ASIC2: variants seen among roughly 807,000 people sequenced by gnomAD.
The protein encoded by ASIC2 is acid sensing ion channel subunit 2, also known as acid-sensing ion channel 2.
ASIC2 carries 25 observed loss-of-function variants against 57.3 expected under a neutral mutation model. That is an observed-to-expected ratio of 0.44 (90% CI 0.32 to 0.61). The LOEUF is 0.61. Among genes scored for constraint, ASIC2 ranks in the 20% least tolerant of loss-of-function variants. ASIC2 has a pLI of 0.06. For missense variants in ASIC2, 641 were observed against 738.1 expected (o/e 0.87, Z 1.52); for synonymous variants, 319 against 307.5 (o/e 1.04, Z -0.39).
intron 1 of ASIC2, among the ~76,000 whole-genome samples, chr17:33,189,191 G>C (rs775323948): frequency 2.4e-4 from 36 of 152,100 alleles, no homozygotes; most frequent in Non-Finnish European, 4.7e-4. Flanking sequence ...CAAGGATGTT[G>C]CTAAACACTC....
chr17:33,050,497 T>C (rs2091970918), intron 3 of ASIC2, among the ~76,000 whole-genome samples: 1 of 152,170 alleles, frequency 6.6e-6, no homozygotes, highest in African/African-American at 2.4e-5. Context: ...AGGTTGCCTA[T>C]CCCACTTCCC....
intron 1 of ASIC2, among the ~76,000 whole-genome samples, chr17:33,864,318 C>T (rs1015819272): frequency 2.0e-5 from 3 of 152,048 alleles, no homozygotes; most frequent in East Asian, 1.9e-4. Context: ...AGAAAAATGT[C>T]GTATAAATAA....
At chr17:33,979,279 T>G (rs1247324794) in intron 1 of ASIC2, among the ~76,000 whole-genome samples, 1 of 152,162 alleles carries the variant, frequency 6.6e-6, no homozygotes, top group African/African-American at 2.4e-5. Flanking sequence ...CCTTCCTTCC[T>G]GCATGAGACC....
At chr17:33,272,690 A>G (rs1904549763) in intron 1 of ASIC2, among the ~76,000 whole-genome samples, 1 of 152,176 alleles carries the variant, frequency 6.6e-6, no homozygotes, top group Admixed American at 6.5e-5. Context: ...CACTATCATC[A>G]TCCACCATCA....
intron 1 of ASIC2, among the ~76,000 whole-genome samples, chr17:34,027,676 A>G (rs572871195): frequency 3.9e-5 from 6 of 152,344 alleles, no homozygotes; most frequent in Middle Eastern, 3.4e-3. Flanking sequence ...TGTAGGATCT[A>G]GAGATAGAAG....
chr17:33,200,036 G>C (rs1011415178), intron 1 of ASIC2, among the ~76,000 whole-genome samples: 1 of 152,052 alleles, frequency 6.6e-6, no homozygotes. Context: ...TGCACATGCT[G>C]TTCCCTCTTC....
chr17:33,808,480 T>C (rs1227263467), intron 1 of ASIC2, among the ~76,000 whole-genome samples: 1 of 152,210 alleles, frequency 6.6e-6, no homozygotes, highest in East Asian at 1.9e-4. Flanking sequence ...ACATTGTTCT[T>C]CTCCCTCAAT....
At chr17:33,231,099 G>T (rs1050026371) in intron 1 of ASIC2, among the ~76,000 whole-genome samples, 2 of 152,136 alleles carry the variant, frequency 1.3e-5, no homozygotes, top group Admixed American at 6.5e-5. Flanking sequence ...GCATCGAGGT[G>T]CAAAGAGCTG....
At chr17:34,005,630 G>A (rs1906500464) in intron 1 of ASIC2, 1 of 152,192 alleles carries the variant, frequency 6.6e-6, no homozygotes, top group African/African-American at 2.4e-5. Context: ...CATTCATATA[G>A]ATCCACCTTT....
In ASIC2 at chr17:33,712,636, CTTTTTTTTTTTTTT is replaced by C. The variant is rs60673332; in HGVS notation, c.555+443328_555+443341del. Among the ~76,000 whole-genome samples, 15 of 63,640 alleles carry C rather than the reference CTTTTTTTTTTTTTT, an allele frequency of 2.4e-4. No homozygotes were observed. In the South Asian group the frequency reaches 0.01, roughly 44 times the overall value. 41.8% of individuals were successfully genotyped at this position (63,640 alleles called of 152,430 possible). A position where few individuals can be genotyped will look rare whatever the true frequency, so the allele number is the denominator to read the frequency against. On this transcript the variant is annotated intron_variant, in intron 1 of 9. Coordinates refer to the ASIC2 transcript ENST00000359872. ...TTTGCTTCCAAGCTTACTCATATGGCTTTTTTTTTTTTTTTTTTTTTTTTTTTGAGACGGAGTCT... is the reference window on the plus strand; with the variant it reads ...TTTGCTTCCAAGCTTACTCATATGGCTTTTTTTTTTTTTGAGACGGAGTCT...
At chr17:33,152,456 G>A (rs1459518839) in intron 1 of ASIC2, among the ~76,000 whole-genome samples, 2 of 152,212 alleles carry the variant, frequency 1.3e-5, no homozygotes, top group African/African-American at 4.8e-5. Flanking sequence ...GGCCTCAAAG[G>A]ATGAAATGAT....
rs143480968 is a variant in ASIC2 at position 33,788,233 on chromosome 17, A to G, written c.555+367745T>C. 8.6e-3 allele frequency among the ~76,000 whole-genome samples: 1,316 copies of G among 152,276 alleles called. 20 individuals are homozygous for G. Among genetic ancestry groups the G allele is most frequent in the African/African-American group, 0.03 (1,239 of 41,550 alleles). On this transcript the variant is annotated intron_variant, in intron 1 of 9. Coordinates refer to the ASIC2 transcript ENST00000359872. ...TTTACAAGAAAAAAAAACCCCATTAAAAGTGGGCAAAGAATATGAACAGAC... is the reference window on the plus strand; with the variant it reads ...TTTACAAGAAAAAAAAACCCCATTAGAAGTGGGCAAAGAATATGAACAGAC...
Position 33,732,687 on chromosome 17 carries a change from G to T in ASIC2, c.555+423291C>A, listed in dbSNP as rs182195567. Among the ~76,000 whole-genome samples, 95 of 151,914 alleles carry T rather than the reference G, an allele frequency of 6.3e-4. 1 individual carries two copies. Among genetic ancestry groups the T allele is most frequent in the Non-Finnish European group, 1.2e-4 (8 of 67,946 alleles). ...AGTCTTGCTCTTGTTGCCCAGGCTG[G>T]AGTGCAGTGGTGAGATCTCAGCTCA... On this transcript the variant is annotated intron_variant, in intron 1 of 9. Coordinates refer to the ASIC2 transcript ENST00000359872.
intron 1 of ASIC2, among the ~76,000 whole-genome samples, chr17:33,930,699 G>T (rs1363228228): frequency 6.6e-6 from 1 of 152,198 alleles, no homozygotes; most frequent in Non-Finnish European, 1.5e-5. Context: ...GCACTGCAGG[G>T]GTGTGTCGAA....
At chr17:33,661,155 C>G (rs1907250684) in intron 1 of ASIC2, among the ~76,000 whole-genome samples, 1 of 152,184 alleles carries the variant, frequency 6.6e-6, no homozygotes, top group Admixed American at 6.5e-5. Context: ...CTTTCCTTTG[C>G]CCCCTCTCTT....
chr17:33,418,329 C>T (rs16968318), intron 1 of ASIC2, among the ~76,000 whole-genome samples: 1,747 of 152,024 alleles, frequency 0.011, 28 homozygotes, highest in African/African-American at 0.037. Context: ...CAGAATTAAA[C>T]GAAAACCTAC....
chr17:33,514,190 C>T (rs1914502754), intron 1 of ASIC2, among the ~76,000 whole-genome samples: 1 of 152,130 alleles, frequency 6.6e-6, no homozygotes, highest in Non-Finnish European at 1.5e-5. Flanking sequence ...CATGCTCTAG[C>T]CTAATCTTGA....
intron 1 of ASIC2, among the ~76,000 whole-genome samples, chr17:33,236,067 C>A (rs557462062): frequency 6.6e-6 from 1 of 152,176 alleles, no homozygotes; most frequent in East Asian, 1.9e-4. Context: ...GATCTCTTGA[C>A]CACATGATCT....
intron 1 of ASIC2, among the ~76,000 whole-genome samples, chr17:33,857,075 C>T (rs1004371107): frequency 6.6e-6 from 1 of 152,104 alleles, no homozygotes; most frequent in Non-Finnish European, 1.5e-5. Context: ...GTGTGCATTG[C>T]TCTCTGCTGT....
Sources: allele counts gnomAD v4.1 joint callset (sites outside exome capture counted in the v4.1 genomes callset), GRCh38; gene constraint gnomAD v4.1.1; transcripts MANE v1.5; gene names NCBI Gene and HGNC (gene_info 2026-07-23, HGNC 2026-07-21).